RIC1: variants seen among roughly 807,000 people sequenced by gnomAD.
The protein encoded by RIC1 is guanine nucleotide exchange factor subunit RIC1.
RIC1 carries 88 observed loss-of-function variants against 169.0 expected under a neutral mutation model. That is an observed-to-expected ratio of 0.52 (90% CI 0.44 to 0.62). The LOEUF (loss-of-function observed/expected upper bound fraction) is 0.62. Ranked by LOEUF, RIC1 falls within the 20% of genes least tolerant of loss-of-function variation. The pLI, the probability that RIC1 is intolerant of heterozygous loss-of-function variation, is 0.00. For missense variants in RIC1, 1,877 were observed against 1,725.5 expected (o/e 1.09, Z -1.56); for synonymous variants, 790 against 601.5 (o/e 1.31, Z -4.59).
At position 5,742,849 on chromosome 9, in the gene RIC1, T is replaced by C. The variant is rs756789059; in HGVS notation, c.902-20T>C. 9 of 1,586,836 alleles carry C rather than the reference T, an allele frequency of 5.7e-6. No homozygotes were observed. The highest frequency in any genetic ancestry group is 7.7e-6 in the Non-Finnish European group (9 of 1,161,504). On this transcript the variant is annotated intron_variant, in intron 8 of 25. Coordinates refer to ENST00000414202, the MANE Select transcript of RIC1 (RefSeq NM_020829.4). ...TGAAGCAACTATTTATTTTTAACTC[T>C]TCTCACTATTTCCTAACAGACATTT...
chr9:5,648,061 C>G (rs1818619067), intron 1 of RIC1, among the ~76,000 whole-genome samples: 1 of 151,800 alleles, frequency 6.6e-6, no homozygotes, highest in African/African-American at 2.4e-5. Flanking sequence ...CGGCTTACTG[C>G]AACCGCCACC....
intron 1 of RIC1, among the ~76,000 whole-genome samples, chr9:5,651,627 G>A (rs1464486247): frequency 7.2e-6 from 1 of 138,004 alleles, no homozygotes; most frequent in Admixed American, 7.8e-5. Context: ...GCAGTGGTGT[G>A]ATCTCAGCTC....
Position 5,753,630 on chromosome 9 carries a change from T to C in RIC1, c.1586T>C (p.Phe529Ser). Residue 529 changes from phenylalanine (F) to serine (S), a missense_variant, in exon 14 of 26, where the codon TTT becomes TCT. Around this residue, in one of 3 missense-constraint regions of RIC1, gnomAD observed 1,104 missense variants for 992.0 expected, o/e 1.11. Coordinates refer to ENST00000414202, the MANE Select transcript of RIC1 (RefSeq NM_020829.4). ...YSLLTKKWKLFGNITQEQNMI... is the reference protein window; with the variant it reads ...YSLLTKKWKLSGNITQEQNMI... ...TTACTCACCAAAAAATGGAAACTTTTTGGAAACATTACCCAGGTTAGTCTT... is the reference window on the plus strand; with the variant it reads ...TTACTCACCAAAAAATGGAAACTTTCTGGAAACATTACCCAGGTTAGTCTT... 6.3e-7 allele frequency: 1 copy of C among 1,587,402 alleles called. No homozygotes were observed. Among genetic ancestry groups the C allele is most frequent in the Non-Finnish European group, 8.6e-7 (1 of 1,159,484 alleles).
intron 1 of RIC1, among the ~76,000 whole-genome samples, chr9:5,634,413 A>T (rs925786472): frequency 1.3e-5 from 2 of 152,214 alleles, no homozygotes; most frequent in Non-Finnish European, 2.9e-5. Flanking sequence ...ACTTCTTGAT[A>T]ATAGATATCC....
chr9:5,649,633 T>C (rs1476553200), intron 1 of RIC1, among the ~76,000 whole-genome samples: 2 of 152,120 alleles, frequency 1.3e-5, no homozygotes, highest in Admixed American at 1.3e-4. Context: ...ACTGAGTGTC[T>C]TTAGTATTAT....
intron 2 of RIC1, among the ~76,000 whole-genome samples, chr9:5,686,223 T>G (rs1821210879): frequency 6.6e-6 from 1 of 151,620 alleles, no homozygotes; most frequent in Admixed American, 6.6e-5. Flanking sequence ...GTGTGGCGAT[T>G]CCTCAGGGAT....
At chr9:5,728,379 A>C (rs1361928840) in intron 6 of RIC1, among the ~76,000 whole-genome samples, 3 of 152,228 alleles carry the variant, frequency 2.0e-5, no homozygotes, top group Admixed American at 6.5e-5. Context: ...GCTGTTTGCT[A>C]AGACCATTGG....
intron 6 of RIC1, among the ~76,000 whole-genome samples, chr9:5,722,605 G>C (rs534498397): frequency 1.3e-5 from 2 of 151,900 alleles, no homozygotes; most frequent in South Asian, 2.1e-4. Context: ...TGTGCACAGC[G>C]TGCAGGTTTG....
chr9:5,743,843 C>T lies in RIC1; in HGVS notation c.1095+106C>T. 2.5e-6 allele frequency: 2 copies of T among 806,072 alleles called. 1 individual carries two copies. The highest frequency in any genetic ancestry group is 3.2e-5 in the South Asian group (2 of 61,830). 49.9% of individuals were successfully genotyped at this position (806,072 alleles called of 1,614,324 possible). On this transcript the variant is annotated intron_variant, in intron 10 of 25. Transcript: ENST00000414202. ...TTTAATTTTTTGAGACAGGGTCTTA[C>T]ACTGTCACCCAGGTTGGAGAGCAGT...
At chr9:5,725,950 C>G (rs1200099882) in intron 6 of RIC1, among the ~76,000 whole-genome samples, 2 of 152,074 alleles carry the variant, frequency 1.3e-5, no homozygotes, top group African/African-American at 4.8e-5. Context: ...TGGTTTTTTA[C>G]ATTTGCTGAG....
At chr9:5,724,848 C>T (rs1050073538) in intron 6 of RIC1, among the ~76,000 whole-genome samples, 1 of 152,120 alleles carries the variant, frequency 6.6e-6, no homozygotes, top group Non-Finnish European at 1.5e-5. Context: ...TGTTTATATG[C>T]TGTATTACCG....
chr9:5,634,206 A>G (rs760929151), intron 1 of RIC1, among the ~76,000 whole-genome samples: 1 of 152,216 alleles, frequency 6.6e-6, no homozygotes, highest in Admixed American at 6.5e-5. Flanking sequence ...GAAAGTGCAG[A>G]TATCTCTTTG....
At chr9:5,769,614 T>C (rs1827059220) in intron 22 of RIC1, 1 of 468,086 alleles carries the variant, frequency 2.1e-6, no homozygotes, top group Admixed American at 4.2e-5. Context: ...ACAGAACTCA[T>C]TCCAGGGGAA....
intron 6 of RIC1, among the ~76,000 whole-genome samples, chr9:5,724,655 C>T (rs1823837890): frequency 6.6e-6 from 1 of 152,190 alleles, no homozygotes; most frequent in African/African-American, 2.4e-5. Flanking sequence ...AAAGGGAATG[C>T]TTCCAGTTTT....
intron 2 of RIC1, among the ~76,000 whole-genome samples, chr9:5,688,225 C>T (rs1821369569): frequency 6.6e-6 from 1 of 152,176 alleles, no homozygotes; most frequent in African/African-American, 2.4e-5. Flanking sequence ...GTTTGTCTTA[C>T]TCTTCCTGGA....
At chr9:5,631,193 G>A (rs907440272) in intron 1 of RIC1, among the ~76,000 whole-genome samples, 1 of 152,172 alleles carries the variant, frequency 6.6e-6, no homozygotes, top group Non-Finnish European at 1.5e-5. Flanking sequence ...ACGACATCTA[G>A]AAATCCAAGG....
rs553998491 is a variant in RIC1 at position 5,629,528 on chromosome 9, C to G, written c.144+75C>G. On this transcript the variant is annotated intron_variant, in intron 1 of 25. Transcript: ENST00000414202. ...GCGCCGTCCCACCCCCAACTTCCAC[C>G]CAGAGCCTAGGACTCCTGCCCCTTC... 82 of 1,459,552 alleles carry G rather than the reference C, an allele frequency of 5.6e-5. No individual in the cohort carries two copies. In the African/African-American group the frequency reaches 9.3e-4, roughly 17 times the overall value. 90.4% of individuals were successfully genotyped at this position (1,459,552 alleles called of 1,614,324 possible).
intron 3 of RIC1, among the ~76,000 whole-genome samples, chr9:5,705,863 A>G (rs563679262): frequency 6.6e-6 from 1 of 151,940 alleles, no homozygotes; most frequent in Non-Finnish European, 1.5e-5. Flanking sequence ...GATTATTACT[A>G]TTTTTTCAGA....
chr9:5,673,557 T>TATATATATATATATATATATATAA (rs1554663254), intron 2 of RIC1, among the ~76,000 whole-genome samples: 4 of 142,638 alleles, frequency 2.8e-5, no homozygotes, highest in Non-Finnish European at 4.5e-5. Flanking sequence ...TATATATATA[T>TATATATATATATATATATATATAA]AAATAAATGT....
Sources: allele counts gnomAD v4.1 joint callset (sites outside exome capture counted in the v4.1 genomes callset), GRCh38; gene constraint gnomAD v4.1.1; regional missense constraint gnomAD v4.1.1; transcripts MANE v1.5; gene names NCBI Gene and HGNC (gene_info 2026-07-23, HGNC 2026-07-21).